Variants in AMPH observed in about 807,000 individuals in gnomAD.
AMPH encodes the protein amphiphysin (Stiff-Mann syndrome with breast cancer 128kD autoantigen).
Under a neutral mutation model 99.1 loss-of-function variants are expected in AMPH, and 49 were observed. The ratio of observed to expected loss-of-function variants is 0.49; its 90% confidence interval spans 0.39 to 0.63. The LOEUF (loss-of-function observed/expected upper bound fraction) is 0.63, where lower values mean the gene tolerates loss of function less well. Ranked by LOEUF, AMPH falls within the 20% of genes least tolerant of loss-of-function variation. AMPH has a pLI of 0.00. For missense variants in AMPH, 759 were observed against 863.4 expected (o/e 0.88, Z 1.52); for synonymous variants, 314 against 317.3 (o/e 0.99, Z 0.11).
intron 1 of AMPH, among the ~76,000 whole-genome samples, chr7:38,590,632 C>T (rs1322078772): frequency 6.6e-6 from 1 of 152,172 alleles, no homozygotes; most frequent in Non-Finnish European, 1.5e-5. Flanking sequence ...TGCTCTTAGC[C>T]TAATTTGTAT....
At chr7:38,471,507 G>C (rs1208371639) in intron 7 of AMPH, among the ~76,000 whole-genome samples, 3 of 152,018 alleles carry the variant, frequency 2.0e-5, no homozygotes, top group Non-Finnish European at 4.4e-5. Flanking sequence ...TTGAAGATCA[G>C]TTTAAATCCA....
At chr7:38,476,151 G>GAT (rs1239192949) in intron 6 of AMPH, among the ~76,000 whole-genome samples, 1 of 152,200 alleles carries the variant, frequency 6.6e-6, no homozygotes, top group East Asian at 1.9e-4. Context: ...ATGGAAGAAG[G>GAT]CGAGGAGGGG....
chr7:38,392,068 C>T, intron 18 of AMPH, 51 bp from the exon 19 acceptor site: 1 of 1,575,682 alleles, frequency 6.3e-7, no homozygotes, highest in Non-Finnish European at 8.6e-7. Context: ...GAAAACAGAA[C>T]CTCCTTGTCC....
chr7:38,598,524 G>A (rs1379669424), intron 1 of AMPH, among the ~76,000 whole-genome samples: 3 of 152,084 alleles, frequency 2.0e-5, no homozygotes, highest in African/African-American at 2.4e-5. Flanking sequence ...GGCTGGTCTC[G>A]AACTCCTGAC....
At chr7:38,611,319 G>T (rs1793671835) in intron 1 of AMPH, among the ~76,000 whole-genome samples, 1 of 152,116 alleles carries the variant, frequency 6.6e-6, no homozygotes, top group Admixed American at 6.5e-5. Flanking sequence ...GGGGAAATGG[G>T]GAGTTGCTAA....
chr7:38,443,394 T>C (rs1344855146), intron 11 of AMPH, among the ~76,000 whole-genome samples: 1 of 151,972 alleles, frequency 6.6e-6, no homozygotes, highest in Non-Finnish European at 1.5e-5. Flanking sequence ...AACCCTTTTC[T>C]TAAAAAAAAC....
intron 12 of AMPH, among the ~76,000 whole-genome samples, chr7:38,432,587 T>TAC (rs10556315): frequency 0.088 from 13,053 of 148,040 alleles, 590 homozygotes; most frequent in South Asian, 0.13. Flanking sequence ...GTTATTTTAA[T>TAC]ACACACACAC....
intron 3 of AMPH, among the ~76,000 whole-genome samples, chr7:38,499,251 C>A (rs957297560): frequency 2.0e-5 from 3 of 152,194 alleles, no homozygotes; most frequent in Non-Finnish European, 4.4e-5. Flanking sequence ...TTGTTCATCT[C>A]TGCATCTCCC....
chr7:38,601,123 C>T (rs566479086), intron 1 of AMPH, among the ~76,000 whole-genome samples: 1 of 152,330 alleles, frequency 6.6e-6, no homozygotes. Context: ...GCAGTGCCAC[C>T]TTACCAGCTG....
intron 8 of AMPH, 58 bp from the exon 9 acceptor site, chr7:38,465,607 G>A: frequency 1.4e-6 from 2 of 1,448,018 alleles, no homozygotes; most frequent in Non-Finnish European, 1.9e-6. Flanking sequence ...GCCAATTCAG[G>A]CTATTCTCCC....
chr7:38,544,971 A>G (rs1309988791), intron 1 of AMPH, among the ~76,000 whole-genome samples: 2 of 152,218 alleles, frequency 1.3e-5, no homozygotes, highest in Non-Finnish European at 2.9e-5. Flanking sequence ...TCTATGATAC[A>G]GATGGATCTT....
At chr7:38,510,397 T>C (rs1453501582) in intron 2 of AMPH, among the ~76,000 whole-genome samples, 1 of 152,128 alleles carries the variant, frequency 6.6e-6, no homozygotes, top group Non-Finnish European at 1.5e-5. Context: ...GATTAGGAAT[T>C]CAGCTAATGA....
chr7:38,466,451 T>C (rs1393344646), intron 7 of AMPH, among the ~76,000 whole-genome samples: 2 of 152,084 alleles, frequency 1.3e-5, no homozygotes, highest in African/African-American at 4.8e-5. Flanking sequence ...TCTTTTGGCA[T>C]AGAGCATGAC....
chr7:38,475,278 T>G, intron 7 of AMPH, 53 bp downstream of exon 7: 1 of 1,167,302 alleles, frequency 8.6e-7, no homozygotes, highest in Non-Finnish European at 1.3e-6. Flanking sequence ...GGATATTCAC[T>G]GATCTTGAAT....
intron 1 of AMPH, among the ~76,000 whole-genome samples, chr7:38,577,444 T>A (rs952229302): frequency 2.0e-5 from 3 of 152,230 alleles, no homozygotes; most frequent in Non-Finnish European, 4.4e-5. Flanking sequence ...ATTACCATTG[T>A]GGTTTAGATT....
At chr7:38,433,810 T>C (rs191563596) in intron 12 of AMPH, among the ~76,000 whole-genome samples, 55 of 151,906 alleles carry the variant, frequency 3.6e-4, no homozygotes, top group African/African-American at 1.3e-3. Context: ...AGTTATTTTC[T>C]TTAAAAGGAA....
intron 5 of AMPH, among the ~76,000 whole-genome samples, chr7:38,480,316 A>G (rs1338672660): frequency 6.6e-6 from 1 of 152,056 alleles, no homozygotes; most frequent in Non-Finnish European, 1.5e-5. Context: ...AGGGCACAAA[A>G]TTTAAGAAGG....
chr7:38,385,965 C>CT (rs1784337533), intron 20 of AMPH, among the ~76,000 whole-genome samples: 1 of 151,964 alleles, frequency 6.6e-6, no homozygotes, highest in African/African-American at 2.4e-5. Flanking sequence ...TTAGTCTGAA[C>CT]AAACCCCCAA....
intron 1 of AMPH, among the ~76,000 whole-genome samples, chr7:38,583,839 C>A (rs898046228): frequency 1.3e-5 from 2 of 152,208 alleles, no homozygotes; most frequent in African/African-American, 4.8e-5. Flanking sequence ...CCCACCAAGT[C>A]CTATAATCTT....
Sources: gnomAD v4.1 joint callset for allele counts (sites outside exome capture counted in the v4.1 genomes callset) on GRCh38, gnomAD v4.1.1 for gene constraint, MANE v1.5 for transcripts, NCBI Gene and HGNC (gene_info 2026-07-23, HGNC 2026-07-21) for gene names.